The following RAB31 variants were observed in gnomAD, a reference collection of about 807,000 sequenced individuals.
RAB31 encodes the protein RAB31, member RAS oncogene family, also known as ras-related protein Rab-31.
RAB31 carries 21 observed loss-of-function variants against 25.6 expected under a neutral mutation model. That is an observed-to-expected ratio of 0.82 (90% CI 0.58 to 1.18). The LOEUF (loss-of-function observed/expected upper bound fraction) is 1.18. Ranked by LOEUF, RAB31 falls within the 50% of genes most tolerant of loss-of-function variation. The pLI is 0.00. For synonymous variants in RAB31, 87 were observed against 84.0 expected, an observed-to-expected ratio of 1.04 and a Z score of -0.20; for missense variants, 196 against 250.1, an observed-to-expected ratio of 0.78 and a Z score of 1.46.
At chr18:9,763,169 A>C (rs1467340775) in intron 1 of RAB31, among the ~76,000 whole-genome samples, 1 of 152,188 alleles carries the variant, frequency 6.6e-6, no homozygotes, top group African/African-American at 2.4e-5. Context: ...GAGTCTGAAA[A>C]GATCTGGAAA....
chr18:9,721,113 T>G (rs1050623072), intron 1 of RAB31, among the ~76,000 whole-genome samples: 4 of 152,192 alleles, frequency 2.6e-5, no homozygotes, highest in Non-Finnish European at 5.9e-5. Flanking sequence ...TCTAGGAAAG[T>G]TATGAGCCTG....
At chr18:9,716,933 T>TCG (rs1555682999) in intron 1 of RAB31, among the ~76,000 whole-genome samples, 1 of 141,524 alleles carries the variant, frequency 7.1e-6, no homozygotes, top group African/African-American at 2.6e-5. Flanking sequence ...TTTCTTTCTT[T>TCG]TTTTTTTGGT....
At chr18:9,778,660 G>A (rs890539474) in intron 2 of RAB31, among the ~76,000 whole-genome samples, 4 of 152,050 alleles carry the variant, frequency 2.6e-5, no homozygotes, top group African/African-American at 9.7e-5. Context: ...TAGTAGGAAC[G>A]GGGTTTCACC....
At chr18:9,795,428 A>C (rs548941842) in intron 3 of RAB31, among the ~76,000 whole-genome samples, 1 of 152,342 alleles carries the variant, frequency 6.6e-6, no homozygotes, top group South Asian at 2.1e-4. Flanking sequence ...CAAAAGAAAC[A>C]ATCTGCAGAG....
At chr18:9,759,185 CTTTTTG>C (rs1210049085) in intron 1 of RAB31, among the ~76,000 whole-genome samples, 2 of 151,916 alleles carry the variant, frequency 1.3e-5, no homozygotes, top group South Asian at 2.1e-4. Flanking sequence ...TACAGCGGGT[CTTTTTG>C]TTTTTGTTTT....
rs993696339 is a variant in RAB31, at chr18:9,861,221, A to C, written c.*1896A>C. 6.6e-6 allele frequency: 1 copy of C among 151,888 alleles called. No individual in the cohort carries two copies. Among genetic ancestry groups the C allele is most frequent in the African/African-American group, 2.4e-5 (1 of 41,348 alleles). 9.4% of individuals were successfully genotyped at this position (151,888 alleles called of 1,614,324 possible). A position where few individuals can be genotyped will look rare whatever the true frequency, so the allele number is the denominator to read the frequency against. ...TCCCTGAGAACCTGGGTTTATCTCT[A>C]GATAGCTGTTCAGGTTTTTTAGCTG... is the stretch of plus-strand genomic sequence containing the variant. On this transcript the variant is annotated 3_prime_UTR_variant, in exon 7 of 7. Coordinates refer to ENST00000578921, the MANE Select transcript of RAB31 (RefSeq NM_006868.4).
chr18:9,787,808 C>G (rs2068441310), intron 2 of RAB31: 1 of 152,236 alleles, frequency 6.6e-6, no homozygotes. Context: ...ACATTTCACA[C>G]TCACAAGACA....
At chr18:9,825,511 A>G (rs909003681) in intron 5 of RAB31, among the ~76,000 whole-genome samples, 1 of 152,244 alleles carries the variant, frequency 6.6e-6, no homozygotes, top group African/African-American at 2.4e-5. Flanking sequence ...GCACTTGTTA[A>G]AAATTCCAGT....
intron 1 of RAB31, among the ~76,000 whole-genome samples, chr18:9,730,952 A>G (rs1210610626): frequency 6.6e-6 from 1 of 152,236 alleles, no homozygotes; most frequent in Non-Finnish European, 1.5e-5. Flanking sequence ...TTGAGTGTGC[A>G]GGATCTGTAG....
chr18:9,780,214 A>C (rs551571552), intron 2 of RAB31, among the ~76,000 whole-genome samples: 27 of 152,094 alleles, frequency 1.8e-4, no homozygotes, highest in Admixed American at 5.2e-4. Context: ...TCTAAAAAAA[A>C]CCCAAAGAAC....
At chr18:9,748,261 C>T (rs569084495) in intron 1 of RAB31, among the ~76,000 whole-genome samples, 1 of 152,012 alleles carries the variant, frequency 6.6e-6, no homozygotes, top group Non-Finnish European at 1.5e-5. Context: ...CCTTGGGAGG[C>T]CGAAGCAGGA....
intron 1 of RAB31, among the ~76,000 whole-genome samples, chr18:9,771,007 C>T (rs538158004): frequency 6.6e-6 from 1 of 151,962 alleles, no homozygotes; most frequent in South Asian, 2.1e-4. Context: ...GCAAAAAAAC[C>T]CCTAACATTT....
At chr18:9,722,614 T>C (rs1178819817) in intron 1 of RAB31, 1 of 152,236 alleles carries the variant, frequency 6.6e-6, no homozygotes, top group Admixed American at 6.5e-5. Flanking sequence ...TTATTATTTG[T>C]GTATATTTAT....
At chr18:9,721,017 C>A (rs747908217) in intron 1 of RAB31, among the ~76,000 whole-genome samples, 1 of 152,014 alleles carries the variant, frequency 6.6e-6, no homozygotes. Flanking sequence ...AGGGCAGCCA[C>A]CTCCTTTTGG....
intron 1 of RAB31, among the ~76,000 whole-genome samples, chr18:9,751,926 C>T (rs2068237067): frequency 6.6e-6 from 1 of 152,182 alleles, no homozygotes; most frequent in Non-Finnish European, 1.5e-5. Context: ...TCCCTTGCAA[C>T]CCAAAGGCAG....
intron 1 of RAB31, chr18:9,726,017 C>T (rs1358876297): frequency 6.6e-6 from 1 of 152,182 alleles, no homozygotes; most frequent in African/African-American, 2.4e-5. Context: ...TTTTTGTCTT[C>T]GATCTGCAGG....
At chr18:9,758,059 T>A (rs1319251361) in intron 1 of RAB31, 1 of 152,326 alleles carries the variant, frequency 6.6e-6, no homozygotes, top group Non-Finnish European at 1.5e-5. Context: ...TGTCCCCCTG[T>A]GGTGCGTAAG....
chr18:9,857,561 A>G (rs1020037997), intron 6 of RAB31, among the ~76,000 whole-genome samples: 3 of 151,774 alleles, frequency 2.0e-5, no homozygotes, highest in South Asian at 2.1e-4. Flanking sequence ...AAAAAAAAAG[A>G]CTTTGTCTTT....
intron 1 of RAB31, among the ~76,000 whole-genome samples, chr18:9,714,752 G>C (rs1478507949): frequency 6.6e-6 from 1 of 152,188 alleles, no homozygotes; most frequent in Non-Finnish European, 1.5e-5. Flanking sequence ...GGAGCTGTGG[G>C]TGGCTGCATG....
Sources: allele counts gnomAD v4.1 joint callset (sites outside exome capture counted in the v4.1 genomes callset), GRCh38; gene constraint gnomAD v4.1.1; transcripts MANE v1.5; gene names NCBI Gene and HGNC (gene_info 2026-07-23, HGNC 2026-07-21).